XKR9: variants seen among roughly 807,000 people sequenced by gnomAD.
XKR9 encodes the protein XK-related protein 9.
In XKR9, 32 loss-of-function variants were observed where a neutral mutation model predicts 32.0. The observed-to-expected ratio is 1.00, with a 90% CI of 0.76 to 1.34. The LOEUF (loss-of-function observed/expected upper bound fraction) is 1.34. XKR9 is among the 40% of genes most tolerant of loss of function. The probability of loss-of-function intolerance (pLI) is 0.00; values close to 1 mark genes in which losing one functional copy is unlikely to be tolerated. For synonymous variants in XKR9, 168 were observed against 143.4 expected (o/e 1.17, Z -1.22); for missense variants, 546 against 429.7 (o/e 1.27, Z -2.39).
At chr8:70,967,065 C>CCTTTTTTTT in the XKR9 span, among the ~76,000 whole-genome samples, 1 of 101,292 alleles carries the variant, frequency 9.9e-6, no homozygotes, top group Non-Finnish European at 2.0e-5. Context: ...GATCTTGACT[C>CCTTTTTTTT]TTTTTTTTTT....
intron 2 of XKR9, among the ~76,000 whole-genome samples, chr8:70,768,722 GT>G (rs1807411555): frequency 6.8e-6 from 1 of 146,836 alleles, no homozygotes; most frequent in South Asian, 2.2e-4. Flanking sequence ...TTTAAAGTCT[GT>G]TTTATCAGAG....
At chr8:70,872,778 A>G in the XKR9 span, among the ~76,000 whole-genome samples, 1 of 152,112 alleles carries the variant, frequency 6.6e-6, no homozygotes, top group Non-Finnish European at 1.5e-5. Context: ...CTCCTGCCTC[A>G]GCCTCCTGAG....
chr8:70,690,074 A>T (rs1819457283), intron 3 of XKR9, among the ~76,000 whole-genome samples: 1 of 152,112 alleles, frequency 6.6e-6, no homozygotes, highest in Admixed American at 6.5e-5. Flanking sequence ...ATAAACAAAC[A>T]CTTTACTCTT....
At chr8:70,946,269 CCA>C in the XKR9 span, among the ~76,000 whole-genome samples, 2 of 150,006 alleles carry the variant, frequency 1.3e-5, no homozygotes, top group Non-Finnish European at 2.9e-5. Context: ...CCTAGAGAAC[CCA>C]CATCTTTTTG....
At chr8:71,019,823 C>A in the XKR9 span, among the ~76,000 whole-genome samples, 1 of 152,136 alleles carries the variant, frequency 6.6e-6, no homozygotes, top group African/African-American at 2.4e-5. Flanking sequence ...TACTTTACCT[C>A]CAGGGAAGCA....
the XKR9 span, among the ~76,000 whole-genome samples, chr8:70,849,014 C>A: frequency 1.3e-5 from 2 of 152,096 alleles, no homozygotes; most frequent in Non-Finnish European, 2.9e-5. Flanking sequence ...AAGTTTAACA[C>A]CCCACTGTCA....
chr8:70,767,954 G>A (rs1471245281), intron 2 of XKR9, among the ~76,000 whole-genome samples: 1 of 151,932 alleles, frequency 6.6e-6, no homozygotes, highest in East Asian at 1.9e-4. Flanking sequence ...GTTATTTCTT[G>A]TCTTCTGCTA....
chr8:70,873,063 A>G, the XKR9 span, among the ~76,000 whole-genome samples: 4 of 152,210 alleles, frequency 2.6e-5, no homozygotes, highest in African/African-American at 9.6e-5. Flanking sequence ...CTAGAAATGG[A>G]AGAGCAAAGT....
At chr8:70,979,628 G>C in the XKR9 span, among the ~76,000 whole-genome samples, 1 of 152,190 alleles carries the variant, frequency 6.6e-6, no homozygotes, top group Non-Finnish European at 1.5e-5. Context: ...TCCTCTGGCA[G>C]CTTCGTCTCA....
At chr8:70,780,735 C>T (rs575153365) in intron 2 of XKR9, among the ~76,000 whole-genome samples, 1 of 151,912 alleles carries the variant, frequency 6.6e-6, no homozygotes, top group African/African-American at 2.4e-5. Flanking sequence ...TATGGAAGTC[C>T]CAGAAAACTA....
the XKR9 span, among the ~76,000 whole-genome samples, chr8:71,013,095 A>C: frequency 1.3e-5 from 2 of 152,252 alleles, no homozygotes; most frequent in Admixed American, 1.3e-4. Flanking sequence ...ATGAGATGGA[A>C]GGTTGAAGTT....
At chr8:70,994,340 T>A in the XKR9 span, among the ~76,000 whole-genome samples, 1 of 152,130 alleles carries the variant, frequency 6.6e-6, no homozygotes, top group Non-Finnish European at 1.5e-5. Flanking sequence ...AAGCTTTTTT[T>A]TTCCTCCTTC....
intron 2 of XKR9, among the ~76,000 whole-genome samples, chr8:70,759,712 C>G (rs917435042): frequency 2.0e-5 from 3 of 152,310 alleles, no homozygotes; most frequent in African/African-American, 7.2e-5. Context: ...GCTGTGACAT[C>G]TGGTGGCATT....
chr8:70,804,422 C>CT, the XKR9 span, among the ~76,000 whole-genome samples: 11 of 152,144 alleles, frequency 7.2e-5, no homozygotes, highest in East Asian at 1.9e-4. Flanking sequence ...GATTCAAATT[C>CT]TTTTTTTCTA....
chr8:71,009,284 C>G, the XKR9 span, among the ~76,000 whole-genome samples: 1 of 152,100 alleles, frequency 6.6e-6, no homozygotes, highest in South Asian at 2.1e-4. Flanking sequence ...AACTCATAAA[C>G]TTTGTTAAAA....
intron 3 of XKR9, among the ~76,000 whole-genome samples, chr8:70,694,625 GT>G (rs1457481992): frequency 1.3e-5 from 2 of 152,052 alleles, no homozygotes; most frequent in Admixed American, 1.3e-4. Context: ...AATGGCTAAG[GT>G]GCCTGAATAG....
chr8:70,883,596 G>T, the XKR9 span, among the ~76,000 whole-genome samples: 1 of 152,066 alleles, frequency 6.6e-6, no homozygotes, highest in African/African-American at 2.4e-5. Flanking sequence ...TGTCTCTACA[G>T]GTTGGTCTTT....
At chr8:71,010,517 A>C in the XKR9 span, among the ~76,000 whole-genome samples, 2 of 152,176 alleles carry the variant, frequency 1.3e-5, no homozygotes, top group Non-Finnish European at 2.9e-5. Flanking sequence ...GGGTCAGGGA[A>C]GCTCTTCTCC....
At chr8:71,020,096 T>A in the XKR9 span, among the ~76,000 whole-genome samples, 1 of 152,184 alleles carries the variant, frequency 6.6e-6, no homozygotes, top group African/African-American at 2.4e-5. Flanking sequence ...AGACTACATT[T>A]CTCAGTACCT....
Sources: gnomAD v4.1 joint callset for allele counts (sites outside exome capture counted in the v4.1 genomes callset) on GRCh38, gnomAD v4.1.1 for gene constraint, MANE v1.5 for transcripts, NCBI Gene and HGNC (gene_info 2026-07-23, HGNC 2026-07-21) for gene names.